NRG1: variants seen among roughly 807,000 people sequenced by gnomAD.
The protein encoded by NRG1 is neuregulin 1.
A neutral mutation model predicts 63.8 loss-of-function variants in NRG1; 18 were observed. That is an observed-to-expected ratio of 0.28 (90% confidence interval 0.19 to 0.42). NRG1 has a LOEUF of 0.42. NRG1 is among the 10% of genes least tolerant of loss of function. The pLI, the probability that NRG1 is intolerant of heterozygous loss-of-function variation, is 1.00. For synonymous variants in NRG1, 302 were observed against 301.3 expected (o/e 1.00, Z -0.02); for missense variants, 762 against 814.7 (o/e 0.94, Z 0.79).
chr8:31,997,130 G>A (rs1014739432), intron 1 of NRG1, among the ~76,000 whole-genome samples: 11 of 150,004 alleles, frequency 7.3e-5, no homozygotes, highest in African/African-American at 2.7e-4. Context: ...AATAATATGG[G>A]CATTTTTTTA....
rs77289699 is a variant in NRG1, at chr8:32,136,053, T to A, written c.38-459775T>A. On this transcript the variant is annotated intron_variant, in intron 1 of 10. Coordinates refer to the NRG1 transcript ENST00000519301. The stretch of plus-strand genomic sequence containing the variant: ...TGAGGGTGGTGTAGGGAGATCATTC[T>A]CTAGGTGCCCTTTGCATTTTTGCTC... 7.2e-3 allele frequency among the ~76,000 whole-genome samples: 1,098 copies of A among 151,812 alleles called. 10 individuals are homozygous for A. Among genetic ancestry groups the A allele is most frequent in the African/African-American group, 0.023 (956 of 41,434 alleles).
At chr8:31,751,073 A>G (rs536161638) in intron 1 of NRG1, among the ~76,000 whole-genome samples, 5 of 152,110 alleles carry the variant, frequency 3.3e-5, no homozygotes, top group South Asian at 2.1e-4. Flanking sequence ...TCCCCAAAGT[A>G]TAGATTAAGG....
intron 1 of NRG1, among the ~76,000 whole-genome samples, chr8:32,383,217 C>T (rs779831603): frequency 3.1e-4 from 47 of 152,074 alleles, no homozygotes; most frequent in Non-Finnish European, 6.0e-4. Flanking sequence ...AGAGCAAGAC[C>T]CTGTCTCTAA....
chr8:31,941,427 C>T (rs1237457660), intron 1 of NRG1, among the ~76,000 whole-genome samples: 1 of 152,020 alleles, frequency 6.6e-6, no homozygotes, highest in Non-Finnish European at 1.5e-5. Flanking sequence ...TATGGCAAGC[C>T]CACAGCCAAC....
exon 12 of NRG1, chr8:32,764,475 C>A (rs1316526443): frequency 2.4e-6 from 3 of 1,250,722 alleles, no homozygotes; most frequent in East Asian, 2.7e-5. Flanking sequence ...TTAAATTAAA[C>A]AATTTATTTT....
intron 1 of NRG1, among the ~76,000 whole-genome samples, chr8:31,955,862 C>A (rs536662164): frequency 2.0e-5 from 3 of 151,700 alleles, no homozygotes; most frequent in South Asian, 2.1e-4. Context: ...CATAGTGAGA[C>A]CCTGTCCCTA....
chr8:31,679,328 G>T (rs1808080977), intron 1 of NRG1, among the ~76,000 whole-genome samples: 2 of 152,006 alleles, frequency 1.3e-5, no homozygotes, highest in South Asian at 4.1e-4. Flanking sequence ...AAGATACTAT[G>T]TATTTCTTGT....
intron 1 of NRG1, among the ~76,000 whole-genome samples, chr8:32,129,402 G>A (rs1178690512): frequency 1.3e-5 from 2 of 151,842 alleles, no homozygotes; most frequent in East Asian, 3.9e-4. Context: ...GCATGCTGTG[G>A]CTTGCTGCTA....
At chr8:32,597,450 G>T (rs1843559361) in intron 2 of NRG1, among the ~76,000 whole-genome samples, 1 of 152,106 alleles carries the variant, frequency 6.6e-6, no homozygotes, top group Non-Finnish European at 1.5e-5. Flanking sequence ...AGCTTTGGAA[G>T]TATAATAAAG....
intron 1 of NRG1, among the ~76,000 whole-genome samples, chr8:32,039,110 G>T (rs1369251742): frequency 6.6e-6 from 1 of 152,070 alleles, no homozygotes; most frequent in Non-Finnish European, 1.5e-5. Context: ...TGAACAAATT[G>T]CTTTCTCATT....
Position 32,359,365 on chromosome 8 carries a change from A to AT in NRG1, c.38-236456dup, listed in dbSNP as rs1293261191. ...GACAATCAGTTAGTAGTATATATGT[A>AT]TTTTTTTATTTTTAAGAATTTTTAT... On this transcript the variant is annotated intron_variant, in intron 1 of 10. Coordinates refer to the NRG1 transcript ENST00000519301. Among the ~76,000 whole-genome samples the AT allele has an allele frequency of 3.3e-5, 5 of 152,062 alleles. 1 individual carries two copies. The South Asian group carries it at 1.0e-3, about 32-fold the overall frequency.
At chr8:31,768,721 C>T (rs1818322432) in intron 1 of NRG1, among the ~76,000 whole-genome samples, 1 of 152,160 alleles carries the variant, frequency 6.6e-6, no homozygotes, top group African/African-American at 2.4e-5. Context: ...AGTACAGTTT[C>T]TCCTTCTTAC....
chr8:31,943,198 T>G (rs1385213057), intron 1 of NRG1, among the ~76,000 whole-genome samples: 1 of 152,132 alleles, frequency 6.6e-6, no homozygotes, highest in African/African-American at 2.4e-5. Context: ...GGAATACTAC[T>G]TAGCCATAAA....
chr8:32,708,291 T>C (rs1268445365), intron 5 of NRG1, among the ~76,000 whole-genome samples: 1 of 152,172 alleles, frequency 6.6e-6, no homozygotes, highest in Non-Finnish European at 1.5e-5. Flanking sequence ...AATGGAATCA[T>C]GTTATTGAGT....
At chr8:31,670,681 G>C (rs959698899) in intron 1 of NRG1, among the ~76,000 whole-genome samples, 6 of 152,180 alleles carry the variant, frequency 3.9e-5, no homozygotes, top group African/African-American at 1.4e-4. Flanking sequence ...TTGGCACTAG[G>C]TGTTAAGTTT....
At chr8:32,278,213 C>T (rs974605526) in intron 1 of NRG1, among the ~76,000 whole-genome samples, 3 of 152,162 alleles carry the variant, frequency 2.0e-5, no homozygotes, top group East Asian at 3.9e-4. Flanking sequence ...GGGAAGAAAA[C>T]GTTCTGATAC....
chr8:31,966,324 C>T (rs931570441), intron 1 of NRG1, among the ~76,000 whole-genome samples: 1 of 152,174 alleles, frequency 6.6e-6, no homozygotes, highest in Non-Finnish European at 1.5e-5. Context: ...CCTAGACTTG[C>T]TTTTGCATTC....
At chr8:31,794,324 G>A (rs138398874) in intron 1 of NRG1, among the ~76,000 whole-genome samples, 19 of 151,906 alleles carry the variant, frequency 1.3e-4, no homozygotes, top group East Asian at 5.8e-4. Context: ...AACCAGGGAC[G>A]GGCTATTTCA....
In NRG1 at chr8:32,003,175, G is replaced by A. The variant is rs370151975; in HGVS notation, c.37+363744G>A. Among the ~76,000 whole-genome samples, 17 of 152,030 alleles carry A rather than the reference G, an allele frequency of 1.1e-4. 1 individual carries two copies. The highest frequency in any genetic ancestry group is 3.9e-4 in the African/African-American group (16 of 41,506). ...ATTTGTGATATAGTTATATTCTTTT[G>A]GAACAGCCTGCATTCCATCCTGTGA... On this transcript the variant is annotated intron_variant, in intron 1 of 10. Transcript: ENST00000519301.
Sources: gnomAD v4.1 joint callset for allele counts (sites outside exome capture counted in the v4.1 genomes callset) on GRCh38, gnomAD v4.1.1 for gene constraint, MANE v1.5 for transcripts, NCBI Gene and HGNC (gene_info 2026-07-23, HGNC 2026-07-21) for gene names.